LINGO2: variants seen among roughly 807,000 people sequenced by gnomAD.
LINGO2 encodes the protein leucine rich repeat and Ig domain containing 2.
A neutral mutation model predicts 30.6 loss-of-function variants in LINGO2; 14 were observed. The observed-to-expected ratio is 0.46, with a 90% confidence interval of 0.30 to 0.72. The LOEUF is 0.72. LINGO2 is among the 30% of genes least tolerant of loss of function. The pLI is 0.07. For missense variants in LINGO2, 729 were observed against 751.7 expected (o/e 0.97, Z 0.35); for synonymous variants, 317 against 288.5 (o/e 1.10, Z -1.00).
At chr9:28,479,956 T>TATATATATATATATACAC (rs1491144467) in intron 1 of LINGO2, among the ~76,000 whole-genome samples, 1 of 105,050 alleles carries the variant, frequency 9.5e-6, no homozygotes, top group African/African-American at 3.6e-5. Context: ...TATATATATA[T>TATATATATATATATACAC]GTACATTTTG....
intron 4 of LINGO2, among the ~76,000 whole-genome samples, chr9:28,226,671 G>GA (rs1414720465): frequency 1.1e-5 from 1 of 94,412 alleles, no homozygotes; most frequent in African/African-American, 6.0e-5. Context: ...AAGAAAGAAA[G>GA]AAAGAAAGAA....
chr9:28,260,872 T>C (rs1173036462), intron 4 of LINGO2, among the ~76,000 whole-genome samples: 1 of 151,986 alleles, frequency 6.6e-6, no homozygotes, highest in Non-Finnish European at 1.5e-5. Context: ...GGATATTCAG[T>C]GATACGAGCA....
the LINGO2 span, among the ~76,000 whole-genome samples, chr9:28,699,299 C>A: frequency 6.6e-6 from 1 of 152,068 alleles, no homozygotes; most frequent in East Asian, 1.9e-4. Context: ...AAGTCAGGGA[C>A]CCCGAATGAA....
the LINGO2 span, among the ~76,000 whole-genome samples, chr9:28,881,245 T>C: frequency 6.6e-6 from 1 of 152,082 alleles, no homozygotes; most frequent in Non-Finnish European, 1.5e-5. Flanking sequence ...TGCCTCAGCC[T>C]CCTGAGTAGC....
At chr9:28,731,228 A>G in the LINGO2 span, among the ~76,000 whole-genome samples, 1 of 151,974 alleles carries the variant, frequency 6.6e-6, no homozygotes, top group Non-Finnish European at 1.5e-5. Context: ...ACCTCAGGCG[A>G]TCCACCCGCC....
At chr9:28,595,302 T>C (rs79996181) in intron 1 of LINGO2, among the ~76,000 whole-genome samples, 1,902 of 152,182 alleles carry the variant, frequency 0.012, 46 homozygotes, top group African/African-American at 0.043. Flanking sequence ...TTTGCTTGTT[T>C]GTTTGTTTAG....
chr9:28,228,398 C>G (rs1157707300), intron 4 of LINGO2, among the ~76,000 whole-genome samples: 1 of 151,954 alleles, frequency 6.6e-6, no homozygotes, highest in Non-Finnish European at 1.5e-5. Context: ...TAAATCAGAT[C>G]CATTTGGCAT....
At chr9:28,852,167 G>C in the LINGO2 span, among the ~76,000 whole-genome samples, 1 of 151,956 alleles carries the variant, frequency 6.6e-6, no homozygotes, top group Admixed American at 6.6e-5. Context: ...TAGGGGAAGA[G>C]GGTATTGAAA....
intron 4 of LINGO2, among the ~76,000 whole-genome samples, chr9:28,259,199 A>G (rs1587342448): frequency 6.6e-6 from 1 of 151,946 alleles, no homozygotes; most frequent in African/African-American, 2.4e-5. Flanking sequence ...TAGAATGTAC[A>G]TAATTTCTCT....
At chr9:27,989,318 C>T (rs144035260) in intron 5 of LINGO2, among the ~76,000 whole-genome samples, 1 of 151,952 alleles carries the variant, frequency 6.6e-6, no homozygotes, top group Non-Finnish European at 1.5e-5. Context: ...TTTTTGATTG[C>T]CTAGTTTCCC....
At chr9:27,973,602 T>C (rs1820455341) in intron 5 of LINGO2, among the ~76,000 whole-genome samples, 1 of 152,186 alleles carries the variant, frequency 6.6e-6, no homozygotes, top group East Asian at 1.9e-4. Flanking sequence ...GGTCAGTATG[T>C]TTCCTAGGAA....
At chr9:28,355,615 G>C (rs1820170708) in intron 3 of LINGO2, among the ~76,000 whole-genome samples, 1 of 152,054 alleles carries the variant, frequency 6.6e-6, no homozygotes, top group South Asian at 2.1e-4. Context: ...TCACTTCACA[G>C]GTGGACAGAG....
intron 3 of LINGO2, among the ~76,000 whole-genome samples, chr9:28,300,846 T>A (rs1824113116): frequency 6.6e-6 from 1 of 150,646 alleles, no homozygotes; most frequent in South Asian, 2.1e-4. Context: ...CAACAAATTA[T>A]GGAAGAAGAG....
At chr9:28,476,853 T>G (rs1334967768) in intron 1 of LINGO2, among the ~76,000 whole-genome samples, 4 of 152,350 alleles carry the variant, frequency 2.6e-5, no homozygotes, top group African/African-American at 7.2e-5. Flanking sequence ...TAATGATTAA[T>G]TTATTAAGGA....
chr9:29,106,315 T>C, the LINGO2 span, among the ~76,000 whole-genome samples: 1 of 152,184 alleles, frequency 6.6e-6, no homozygotes. Flanking sequence ...GAGACTCTTT[T>C]GTTTTTAAAC....
rs1057348005 is a variant in LINGO2, at chr9:28,130,729, G to T, written c.-86-118324C>A. ...GGCCAGAGTTTCAGATAATAGAGAA[G>T]AGTAGGACACTGTTCTTATTATATT... is the stretch of plus-strand genomic sequence containing the variant. On this transcript the variant is annotated intron_variant, in intron 4 of 5. Coordinates refer to ENST00000379992, the Ensembl canonical transcript of LINGO2. The surrounding 1 kb of genome is among the most constrained non-coding windows in gnomAD (Gnocchi z 5.2). Among the ~76,000 whole-genome samples, 1 of 152,148 alleles carries T rather than the reference G, an allele frequency of 6.6e-6. No individual in the cohort carries two copies. The highest frequency in any genetic ancestry group is 2.4e-5 in the African/African-American group (1 of 41,446).
chr9:28,208,428 A>G (rs1392334415), intron 4 of LINGO2, among the ~76,000 whole-genome samples: 8 of 152,220 alleles, frequency 5.3e-5, no homozygotes, highest in African/African-American at 1.9e-4. Flanking sequence ...TCTTCAGGAT[A>G]TAACTGCAAT....
At chr9:28,887,297 A>G in the LINGO2 span, among the ~76,000 whole-genome samples, 1 of 151,954 alleles carries the variant, frequency 6.6e-6, no homozygotes. Flanking sequence ...CTAGTTATTG[A>G]AAGTCAAGGG....
chr9:28,351,090 C>T (rs1819858788), intron 3 of LINGO2, among the ~76,000 whole-genome samples: 1 of 151,636 alleles, frequency 6.6e-6, no homozygotes, highest in Admixed American at 6.6e-5. Context: ...ATTAAAAGAA[C>T]TAGAAAAGCA....
Sources: allele counts gnomAD v4.1 joint callset (sites outside exome capture counted in the v4.1 genomes callset), GRCh38; gene constraint gnomAD v4.1.1; non-coding constraint Gnocchi (gnomAD v3.1); transcripts MANE v1.5; gene names NCBI Gene and HGNC (gene_info 2026-07-23, HGNC 2026-07-21).